Variants in PTPRM observed in about 807,000 individuals in gnomAD.
PTPRM encodes the protein receptor-type tyrosine-protein phosphatase mu.
PTPRM carries 47 observed loss-of-function variants against 186.7 expected under a neutral mutation model. The observed-to-expected ratio is 0.25, with a 90% CI of 0.20 to 0.32. The LOEUF (loss-of-function observed/expected upper bound fraction) is 0.32, where lower values mean the gene tolerates loss of function less well. Ranked by LOEUF, PTPRM falls within the 10% of genes least tolerant of loss-of-function variation. The probability of loss-of-function intolerance (pLI) is 1.00; values close to 1 mark genes in which losing one functional copy is unlikely to be tolerated. For missense variants in PTPRM, 1,494 were observed against 1,865.0 expected (o/e 0.80, Z 3.66); for synonymous variants, 668 against 674.9 (o/e 0.99, Z 0.16).
At chr18:7,660,675 A>T (rs2038958336) in intron 1 of PTPRM, among the ~76,000 whole-genome samples, 1 of 152,158 alleles carries the variant, frequency 6.6e-6, no homozygotes, top group Non-Finnish European at 1.5e-5. Context: ...AACCTCTAGA[A>T]TGGGCTCTCT....
intron 2 of PTPRM, among the ~76,000 whole-genome samples, chr18:7,831,771 C>G (rs1479058826): frequency 6.6e-6 from 1 of 152,174 alleles, no homozygotes; most frequent in Non-Finnish European, 1.5e-5. Context: ...TCCCTCCTAA[C>G]CCCGCATTAC....
chr18:7,962,102 A>C (rs1202368262), intron 7 of PTPRM, among the ~76,000 whole-genome samples: 1 of 152,176 alleles, frequency 6.6e-6, no homozygotes, highest in Non-Finnish European at 1.5e-5. Context: ...GTGTCTGCTT[A>C]TCCCATTTGT....
At position 8,114,844 on chromosome 18, in the gene PTPRM, G is replaced by A; in HGVS notation, c.2167+17G>A. On this transcript the variant is annotated intron_variant, in intron 13 of 32. Coordinates refer to ENST00000580170, the MANE Select transcript of PTPRM (RefSeq NM_001105244.2). ...CCACAAAAGGTAGGTTGAAATTGTG[G>A]GATATTCTCCTAATTAATGTTCCTT... The A allele has an allele frequency of 6.2e-7, 1 of 1,605,032 alleles. No individual in the cohort carries two copies. Among genetic ancestry groups the A allele is most frequent in the South Asian group, 1.1e-5 (1 of 89,622 alleles).
chr18:8,012,537 A>C (rs1481352369), intron 7 of PTPRM, among the ~76,000 whole-genome samples: 1 of 152,198 alleles, frequency 6.6e-6, no homozygotes, highest in African/African-American at 2.4e-5. Flanking sequence ...GGTTGAGCCT[A>C]CTATGCACCC....
chr18:7,666,497 T>C (rs1156756480), intron 1 of PTPRM, among the ~76,000 whole-genome samples: 1 of 152,230 alleles, frequency 6.6e-6, no homozygotes, highest in Admixed American at 6.5e-5. Context: ...CTTTGAGTTA[T>C]TTAATAGAAA....
At chr18:8,264,945 C>A (rs971028198) in intron 19 of PTPRM, among the ~76,000 whole-genome samples, 7 of 152,136 alleles carry the variant, frequency 4.6e-5, no homozygotes, top group Admixed American at 6.5e-5. Flanking sequence ...TGCAGGCAGG[C>A]TGGAGCAACA....
intron 22 of PTPRM, among the ~76,000 whole-genome samples, chr18:8,321,263 C>T (rs1568742294): frequency 1.3e-5 from 2 of 152,106 alleles, no homozygotes; most frequent in African/African-American, 4.8e-5. Flanking sequence ...GCTATGTTTT[C>T]ATAGATAACA....
chr18:7,930,955 T>C (rs112174162), intron 5 of PTPRM, among the ~76,000 whole-genome samples: 2,145 of 152,134 alleles, frequency 0.014, 61 homozygotes, highest in African/African-American at 0.049. Flanking sequence ...CCAAGTGGGA[T>C]TGTTTTCTCT....
intron 14 of PTPRM, among the ~76,000 whole-genome samples, chr18:8,153,279 C>T (rs140204735): frequency 5.8e-4 from 88 of 152,188 alleles, no homozygotes; most frequent in African/African-American, 2.0e-3. Flanking sequence ...CCCTTGTGAC[C>T]CTAGCTAAAT....
chr18:7,699,441 C>T (rs2039912794), intron 1 of PTPRM, among the ~76,000 whole-genome samples: 1 of 152,060 alleles, frequency 6.6e-6, no homozygotes, highest in African/African-American at 2.4e-5. Flanking sequence ...TGGAGTCTTA[C>T]TCTGTTGCCC....
At position 7,839,482 on chromosome 18, in the gene PTPRM, A is replaced by G. The variant is rs1478564079; in HGVS notation, c.197-48624A>G. 2.0e-5 allele frequency among the ~76,000 whole-genome samples: 3 copies of G among 152,164 alleles called. No individual in the cohort carries two copies. The South Asian group carries it at 6.2e-4, about 31-fold the overall frequency. ...GGCCCAGGGTGTGTCTAGCAATGTCATCTGGGAGCTAGAAGCTGGAAAGGG... is the reference window on the plus strand; with the variant it reads ...GGCCCAGGGTGTGTCTAGCAATGTCGTCTGGGAGCTAGAAGCTGGAAAGGG... On this transcript the variant is annotated intron_variant, in intron 2 of 32. Transcript: ENST00000580170.
chr18:8,335,851 A>G (rs117059253), intron 22 of PTPRM, among the ~76,000 whole-genome samples: 599 of 152,102 alleles, frequency 3.9e-3, no homozygotes, highest in Non-Finnish European at 6.8e-3. Context: ...GCAAAACCCC[A>G]TCTCTACTAT....
intron 17 of PTPRM, among the ~76,000 whole-genome samples, 179 bp from the exon 18 acceptor site, chr18:8,252,309 C>A (rs1326334001): frequency 6.6e-6 from 1 of 152,214 alleles, no homozygotes; most frequent in Non-Finnish European, 1.5e-5. Context: ...TCAATGCCTC[C>A]ATCCTAACGT....
At chr18:8,327,629 A>T (rs538281365) in intron 22 of PTPRM, among the ~76,000 whole-genome samples, 14 of 152,312 alleles carry the variant, frequency 9.2e-5, no homozygotes, top group African/African-American at 3.1e-4. Flanking sequence ...GGTAGAGAGG[A>T]TGGCTCATGT....
At chr18:7,883,989 TA>T (rs144965463) in intron 2 of PTPRM, among the ~76,000 whole-genome samples, 11,058 of 151,444 alleles carry the variant, frequency 0.073, 485 homozygotes, top group African/African-American at 0.13. Flanking sequence ...AAATAAAAAA[TA>T]AAAAAAATTA....
At position 8,376,159 on chromosome 18, in the gene PTPRM, C is replaced by G; in HGVS notation, c.3285C>G (p.Ser1095=). 1 of 1,613,778 alleles carries G rather than the reference C, an allele frequency of 6.2e-7. No individual in the cohort carries two copies. The highest frequency in any genetic ancestry group is 8.5e-7 in the Non-Finnish European group (1 of 1,180,014). The change falls in exon 25 of 33, where the codon TCC becomes TCG. Residue 1095 remains serine, a synonymous_variant. Transcript: ENST00000580170. ...GLLGFVRQVK[S]KSPPSAGPLV... ...TGGGATTCGTGCGGCAAGTCAAGTC[C>G]AAGAGCCCGCCCAGTGCAGGCCCAC...
At chr18:7,773,336 T>C (rs2144954137) in intron 1 of PTPRM, among the ~76,000 whole-genome samples, 1 of 152,292 alleles carries the variant, frequency 6.6e-6, no homozygotes, top group South Asian at 2.1e-4. Flanking sequence ...AGCTGTACCA[T>C]GGTTTGTACT....
At chr18:7,904,968 GTTCT>G (rs1455911247) in intron 3 of PTPRM, among the ~76,000 whole-genome samples, 3 of 151,960 alleles carry the variant, frequency 2.0e-5, no homozygotes, top group East Asian at 3.9e-4. Context: ...CCTTTTACTG[GTTCT>G]TTCTTTCTTT....
At chr18:8,098,770 C>T (rs949268884) in intron 11 of PTPRM, among the ~76,000 whole-genome samples, 1 of 152,094 alleles carries the variant, frequency 6.6e-6, no homozygotes, top group East Asian at 1.9e-4. Context: ...CACCCCCTCC[C>T]CTCCTTTTCG....
Sources: allele counts gnomAD v4.1 joint callset (sites outside exome capture counted in the v4.1 genomes callset), GRCh38; gene constraint gnomAD v4.1.1; transcripts MANE v1.5; gene names NCBI Gene and HGNC (gene_info 2026-07-23, HGNC 2026-07-21).